Variants in PCDH11Y observed in about 807,000 individuals in gnomAD.
PCDH11Y encodes the protein protocadherin 11 Y-linked.
For missense variants in PCDH11Y, 12 were observed against 224.8 expected (o/e 0.05, Z 6.05); for synonymous variants, 9 against 83.6 (o/e 0.11, Z 4.87).
intron 4 of PCDH11Y, among the ~76,000 whole-genome samples, chrY:5,706,536 AATAG>A (rs2053583050): frequency 3.2e-5 from 1 of 31,327 alleles, no homozygotes; most frequent in Admixed American, 3.0e-4. Context: ...AATGTGATTT[AATAG>A]ATAGTTCTCA....
chrY:5,713,949 A>G (rs2053588275), intron 4 of PCDH11Y, among the ~76,000 whole-genome samples: 1 of 27,134 alleles, frequency 3.7e-5, no homozygotes, highest in Non-Finnish European at 8.6e-5. Context: ...TTTTCTTGTG[A>G]GATATCTACA....
At chrY:5,522,311 A>C (rs2053382283) in intron 3 of PCDH11Y, among the ~76,000 whole-genome samples, 1 of 34,142 alleles carries the variant, frequency 2.9e-5, no homozygotes, top group Admixed American at 2.7e-4. Flanking sequence ...GGAAGTACCA[A>C]TATTAGATTA....
intron 2 of PCDH11Y, among the ~76,000 whole-genome samples, chrY:5,469,485 G>T (rs2053311243): frequency 1.2e-4 from 4 of 32,785 alleles, no homozygotes; most frequent in Non-Finnish European, 3.0e-4. Flanking sequence ...ACACATGCAG[G>T]ATGGAGGAAG....
At chrY:5,110,107 T>G, downstream of PCDH11Y, among the ~76,000 whole-genome samples, 1 of 33,851 alleles carries the variant, frequency 3.0e-5, no homozygotes, top group Non-Finnish European at 7.3e-5. Flanking sequence ...CATAAAATGT[T>G]ACTGTCTTTT....
intron 2 of PCDH11Y, among the ~76,000 whole-genome samples, chrY:5,423,471 T>C (rs2053260132): frequency 2.9e-5 from 1 of 34,011 alleles, no homozygotes; most frequent in African/African-American, 1.1e-4. Flanking sequence ...CAGATATTTG[T>C]GTACCCATAT....
chrY:5,664,110 C>G, intron 4 of PCDH11Y, among the ~76,000 whole-genome samples: 1 of 32,970 alleles, frequency 3.0e-5, no homozygotes, highest in African/African-American at 1.2e-4. Context: ...ATGGTACAGA[C>G]GACTACAATT....
intron 2 of PCDH11Y, among the ~76,000 whole-genome samples, chrY:5,412,569 A>G: frequency 2.1e-4 from 7 of 33,414 alleles, no homozygotes; most frequent in African/African-American, 8.2e-4. Flanking sequence ...GGCTGCGGAT[A>G]TGTCATAGAT....
intron 2 of PCDH11Y, among the ~76,000 whole-genome samples, chrY:5,472,578 G>A: frequency 3.1e-5 from 1 of 32,103 alleles, no homozygotes; most frequent in Admixed American, 2.9e-4. Context: ...CCCATGCTAC[G>A]TCACTCACAA....
At chrY:5,690,496 T>C in intron 4 of PCDH11Y, among the ~76,000 whole-genome samples, 1 of 32,921 alleles carries the variant, frequency 3.0e-5, no homozygotes, top group African/African-American at 1.2e-4. Context: ...ACAAACCTAA[T>C]TACTATTTTT....
chrY:5,014,576 C>G, intron 1 of PCDH11Y, among the ~76,000 whole-genome samples: 2 of 33,098 alleles, frequency 6.0e-5, no homozygotes, highest in African/African-American at 2.3e-4. Context: ...GGATTTGGTT[C>G]TATTTTCAAA....
At chrY:5,166,079 G>C in intron 2 of PCDH11Y, among the ~76,000 whole-genome samples, 2 of 32,391 alleles carry the variant, frequency 6.2e-5, no homozygotes, top group African/African-American at 1.2e-4. Flanking sequence ...CCACAAAGGC[G>C]ACGGCAAGCC....
intron 2 of PCDH11Y, among the ~76,000 whole-genome samples, chrY:5,143,144 G>A: frequency 3.0e-5 from 1 of 32,872 alleles, no homozygotes; most frequent in Non-Finnish European, 7.6e-5. Flanking sequence ...TTATCAGGAA[G>A]AGAAAGAAAT....
At chrY:5,303,831 G>T (rs2053086578) in intron 2 of PCDH11Y, among the ~76,000 whole-genome samples, 1 of 33,070 alleles carries the variant, frequency 3.0e-5, no homozygotes, top group East Asian at 8.0e-4. Context: ...TGCAAATGCC[G>T]CTACTCTCTA....
Position 5,277,324 on chromosome Y carries a change from A to T in PCDH11Y, c.3129+176617A>T, listed in dbSNP as rs1602898362. Among the ~76,000 whole-genome samples the T allele has an allele frequency of 2.2e-3, 37 of 16,861 alleles. No homozygotes were observed. In the South Asian group the frequency reaches 0.06, roughly 28 times the overall value. The allele number at this position is 16,861 out of a possible 37,273, so 45.2% of individuals were successfully genotyped here. On this transcript the variant is annotated intron_variant, in intron 2 of 4. Coordinates refer to the PCDH11Y transcript ENST00000400457. Reference sequence around the variant, plus strand: ...TTCTATATACTTGTAATATAGTTGAACTTCATCATATGCATAATTTTTATT... The same window carrying T: ...TTCTATATACTTGTAATATAGTTGATCTTCATCATATGCATAATTTTTATT...
chrY:5,336,363 C>T (rs2053137049), intron 2 of PCDH11Y, among the ~76,000 whole-genome samples: 1 of 31,200 alleles, frequency 3.2e-5, no homozygotes, highest in Non-Finnish European at 7.7e-5. Flanking sequence ...CTCTGCCTCC[C>T]GGGTTCAAGC....
At chrY:5,000,791 C>A in intron 1 of PCDH11Y, among the ~76,000 whole-genome samples, 186 bp downstream of exon 1, 2 of 31,957 alleles carry the variant, frequency 6.3e-5, no homozygotes, top group African/African-American at 2.5e-4. Flanking sequence ...AAAGAGCAAA[C>A]CCCGGAGGTG....
chrY:5,046,424 G>C, intron 3 of PCDH11Y, among the ~76,000 whole-genome samples: 1 of 33,658 alleles, frequency 3.0e-5, no homozygotes, highest in South Asian at 6.8e-4. Context: ...TAGGCTGCTC[G>C]GGGGTCAGGG....
At chrY:5,386,055 G>C (rs2053214815) in intron 2 of PCDH11Y, among the ~76,000 whole-genome samples, 1 of 33,016 alleles carries the variant, frequency 3.0e-5, no homozygotes, top group African/African-American at 1.2e-4. Context: ...CTTGGTAGTG[G>C]CAAATTCTCT....
intron 2 of PCDH11Y, among the ~76,000 whole-genome samples, chrY:5,278,497 GACATGTCATTTAATTTTCA>G: frequency 3.0e-5 from 1 of 33,243 alleles, no homozygotes; most frequent in Admixed American, 2.8e-4. Context: ...ATCTGCTCTT[GACATGTCATTTAATTTTCA>G]ACATGGTTGT....
Sources: gnomAD v4.1 joint callset for allele counts (sites outside exome capture counted in the v4.1 genomes callset) on GRCh38, gnomAD v4.1.1 for gene constraint, MANE v1.5 for transcripts, NCBI Gene and HGNC (gene_info 2026-07-23, HGNC 2026-07-21) for gene names.